GTF2E2: variants seen among roughly 807,000 people sequenced by gnomAD.
GTF2E2 encodes the protein transcription initiation factor IIE subunit beta.
A neutral mutation model predicts 40.5 loss-of-function variants in GTF2E2; 21 were observed. The ratio of observed to expected loss-of-function variants is 0.52; its 90% CI spans 0.37 to 0.75. GTF2E2 has a LOEUF of 0.75. Ranked by LOEUF, GTF2E2 falls within the 30% of genes least tolerant of loss-of-function variation. The pLI is 0.00. For synonymous variants in GTF2E2, 117 were observed against 121.6 expected (o/e 0.96, Z 0.25); for missense variants, 298 against 338.4 (o/e 0.88, Z 0.94).
Position 30,591,196 on chromosome 8 carries a change from T to C in GTF2E2, c.644-10800A>G, listed in dbSNP as rs183905789. 1.4e-4 allele frequency among the ~76,000 whole-genome samples: 21 copies of C among 152,286 alleles called. No homozygotes were observed. In the East Asian group the frequency reaches 4.0e-3, roughly 29 times the overall value. On this transcript the variant is annotated intron_variant, in intron 6 of 7. Transcript: ENST00000355904. Reference sequence around the variant, plus strand: ...AATACACATTTTGCCAAATGAAATATACAGATGGACCGGATGTGGTGGTTC... The same window carrying C: ...AATACACATTTTGCCAAATGAAATACACAGATGGACCGGATGTGGTGGTTC...
intron 6 of GTF2E2, among the ~76,000 whole-genome samples, chr8:30,595,039 T>C (rs986810930): frequency 2.6e-5 from 4 of 152,220 alleles, no homozygotes; most frequent in African/African-American, 9.6e-5. Context: ...TCCGTGTTCA[T>C]TTAGATTAGC....
intron 6 of GTF2E2, among the ~76,000 whole-genome samples, chr8:30,590,507 A>G (rs1015017716): frequency 1.3e-5 from 2 of 152,278 alleles, no homozygotes; most frequent in Non-Finnish European, 2.9e-5. Flanking sequence ...AGCTTTCTAA[A>G]GGACACTGGA....
intron 6 of GTF2E2, among the ~76,000 whole-genome samples, chr8:30,583,472 T>G (rs1828571290): frequency 6.6e-6 from 1 of 151,972 alleles, no homozygotes; most frequent in Non-Finnish European, 1.5e-5. Flanking sequence ...CTCAACTTCC[T>G]GGGCTCAATC....
At chr8:30,640,765 C>T (rs913262957) in intron 2 of GTF2E2, among the ~76,000 whole-genome samples, 15 of 152,036 alleles carry the variant, frequency 9.9e-5, no homozygotes, top group Non-Finnish European at 1.3e-4. Flanking sequence ...AGTGCAGTGG[C>T]GCAATCTTGG....
chr8:30,616,826 T>C (rs1800932826), intron 3 of GTF2E2, among the ~76,000 whole-genome samples: 1 of 151,990 alleles, frequency 6.6e-6, no homozygotes, highest in Non-Finnish European at 1.5e-5. Flanking sequence ...AAGTGTTTTT[T>C]AAAGTAAATA....
intron 2 of GTF2E2, among the ~76,000 whole-genome samples, chr8:30,642,180 T>C (rs1203684587): frequency 6.6e-6 from 1 of 151,846 alleles, no homozygotes; most frequent in Admixed American, 6.6e-5. Context: ...TTTATTAGGC[T>C]AACGTTTTGT....
intron 6 of GTF2E2, among the ~76,000 whole-genome samples, chr8:30,585,772 T>TAAAA (rs146018850): frequency 2.8e-4 from 19 of 67,660 alleles, no homozygotes; most frequent in East Asian, 4.3e-4. Context: ...CTTTGCCCTT[T>TAAAA]AAAAAAAAAA....
At chr8:30,641,409 C>A (rs1427595893) in intron 2 of GTF2E2, among the ~76,000 whole-genome samples, 1 of 152,146 alleles carries the variant, frequency 6.6e-6, no homozygotes, top group African/African-American at 2.4e-5. Context: ...ATCACCCAGG[C>A]GGGAGTGCAA....
At chr8:30,646,018 C>T (rs1802061333) in intron 2 of GTF2E2, 1 of 154,326 alleles carries the variant, frequency 6.5e-6, no homozygotes, top group South Asian at 2.0e-4. Flanking sequence ...TAAAATACTT[C>T]CACTTATATA....
intron 2 of GTF2E2, among the ~76,000 whole-genome samples, chr8:30,651,602 T>G (rs1023471028): frequency 6.6e-6 from 1 of 152,066 alleles, no homozygotes; most frequent in Non-Finnish European, 1.5e-5. Flanking sequence ...AAAAAATTTG[T>G]AAAAAGCCAT....
chr8:30,611,229 T>C (rs1393070359), intron 5 of GTF2E2, among the ~76,000 whole-genome samples: 2 of 152,082 alleles, frequency 1.3e-5, no homozygotes, highest in Non-Finnish European at 1.5e-5. Context: ...GAAACACTCT[T>C]GGGAGGAATG....
intron 6 of GTF2E2, among the ~76,000 whole-genome samples, chr8:30,582,591 T>C (rs1420654256): frequency 2.0e-5 from 3 of 152,214 alleles, no homozygotes; most frequent in African/African-American, 4.8e-5. Context: ...GCCTGTCACA[T>C]CTCTTTGGTC....
At chr8:30,634,799 C>G (rs1801535917) in intron 3 of GTF2E2, among the ~76,000 whole-genome samples, 1 of 152,180 alleles carries the variant, frequency 6.6e-6, no homozygotes, top group Admixed American at 6.5e-5. Flanking sequence ...TGAGCTTAAA[C>G]TGTACCCTTG....
chr8:30,639,210 T>C (rs1801722466), intron 2 of GTF2E2, among the ~76,000 whole-genome samples: 1 of 152,236 alleles, frequency 6.6e-6, no homozygotes, highest in African/African-American at 2.4e-5. Flanking sequence ...TTAATTTTTA[T>C]ATAAAAGATC....
chr8:30,585,417 G>T (rs1462792281), intron 6 of GTF2E2, among the ~76,000 whole-genome samples: 1 of 152,074 alleles, frequency 6.6e-6, no homozygotes, highest in Non-Finnish European at 1.5e-5. Flanking sequence ...GACACAAAGT[G>T]ATCTCATTTA....
intron 5 of GTF2E2, among the ~76,000 whole-genome samples, chr8:30,608,647 A>C (rs1411260423): frequency 1.3e-5 from 2 of 152,224 alleles, no homozygotes; most frequent in Admixed American, 1.3e-4. Context: ...AAAACTTTTT[A>C]AGTGCTGACA....
intron 6 of GTF2E2, among the ~76,000 whole-genome samples, chr8:30,594,749 T>C (rs1346679676): frequency 6.6e-6 from 1 of 150,614 alleles, no homozygotes; most frequent in African/African-American, 2.4e-5. Flanking sequence ...TCCCAGCTAC[T>C]GGGGAGGTGA....
At position 30,605,156 on chromosome 8, in the gene GTF2E2, C is replaced by T. The variant is rs553221106; in HGVS notation, c.643+1901G>A. On this transcript the variant is annotated intron_variant, in intron 6 of 7. Transcript: ENST00000355904. The stretch of plus-strand genomic sequence containing the variant: ...CCGCCTCAAGTTAAACATCTGCTTA[C>T]ACAACAGACATGCTACACTATGCTG... Among the ~76,000 whole-genome samples the T allele has an allele frequency of 4.6e-5, 7 of 152,326 alleles. No individual in the cohort carries two copies. The South Asian group carries it at 1.4e-3, about 32-fold the overall frequency.
At chr8:30,649,887 G>A (rs1802215208) in intron 2 of GTF2E2, among the ~76,000 whole-genome samples, 1 of 152,074 alleles carries the variant, frequency 6.6e-6, no homozygotes, top group African/African-American at 2.4e-5. Context: ...CTTCTAAAAA[G>A]CCACAAAGTA....
Sources: allele counts gnomAD v4.1 joint callset (sites outside exome capture counted in the v4.1 genomes callset), GRCh38; gene constraint gnomAD v4.1.1; transcripts MANE v1.5; gene names NCBI Gene and HGNC (gene_info 2026-07-23, HGNC 2026-07-21).